The following ATP6V1H variants were observed in gnomAD, a reference collection of about 807,000 sequenced individuals.
ATP6V1H encodes V-type proton ATPase subunit H.
A neutral mutation model predicts 71.7 loss-of-function variants in ATP6V1H; 39 were observed. That is an observed-to-expected ratio of 0.54 (90% CI 0.42 to 0.71). The LOEUF is 0.71. ATP6V1H is among the 30% of genes least tolerant of loss of function. The pLI, the probability that ATP6V1H is intolerant of heterozygous loss-of-function variation, is 0.00. For missense variants in ATP6V1H, 509 were observed against 594.9 expected, an observed-to-expected ratio of 0.86 and a Z score of 1.50; for synonymous variants, 192 against 199.3, an observed-to-expected ratio of 0.96 and a Z score of 0.31.
chr8:53,786,834 ATCTT>A (rs1809401125), intron 9 of ATP6V1H, among the ~76,000 whole-genome samples: 1 of 152,224 alleles, frequency 6.6e-6, no homozygotes, highest in Non-Finnish European at 1.5e-5. Flanking sequence ...GACAATTCAG[ATCTT>A]TCTGTCAGCA....
In ATP6V1H at chr8:53,796,089, G is replaced by C. The variant is rs189666032; in HGVS notation, c.678-250C>G. On this transcript the variant is annotated intron_variant, in intron 8 of 13. Transcript: ENST00000359530. ...GCTCCTGCTGTGCGGCAAGAAGAAA[G>C]GGAACAAAGACTTGTAATATGGCAA... Among the ~76,000 whole-genome samples, 76 of 152,212 alleles carry C rather than the reference G, an allele frequency of 5.0e-4. No homozygotes were observed. The Middle Eastern group carries it at 0.02, about 41-fold the overall frequency.
At chr8:53,770,959 ACAAAATC>A (rs1205701320) in intron 10 of ATP6V1H, among the ~76,000 whole-genome samples, 1 of 152,174 alleles carries the variant, frequency 6.6e-6, no homozygotes, top group Non-Finnish European at 1.5e-5. Flanking sequence ...TTCTTCCTCC[ACAAAATC>A]CATTACAAAC....
intron 8 of ATP6V1H, among the ~76,000 whole-genome samples, chr8:53,797,767 G>C (rs1458073154): frequency 6.6e-6 from 1 of 151,916 alleles, no homozygotes; most frequent in African/African-American, 2.4e-5. Context: ...TGGGAGGCCA[G>C]GGTGGGCGGA....
chr8:53,764,430 A>G (rs185550741), intron 11 of ATP6V1H, among the ~76,000 whole-genome samples: 27 of 152,338 alleles, frequency 1.8e-4, no homozygotes, highest in Non-Finnish European at 3.1e-4. Flanking sequence ...AAGAAAAATC[A>G]TATCAATAGA....
intron 12 of ATP6V1H, among the ~76,000 whole-genome samples, chr8:53,746,050 A>G (rs191236391): frequency 2.0e-5 from 3 of 152,324 alleles, no homozygotes; most frequent in African/African-American, 7.2e-5. Flanking sequence ...AAAAACATAC[A>G]GCTCACACAC....
intron 9 of ATP6V1H, among the ~76,000 whole-genome samples, chr8:53,781,630 A>C (rs1809138874): frequency 6.6e-6 from 1 of 152,028 alleles, no homozygotes; most frequent in East Asian, 1.9e-4. Context: ...CTATGTCCTG[A>C]ATGGTATTGC....
At chr8:53,743,800 T>C in intron 12 of ATP6V1H, 110 bp from the exon 13 acceptor site, 2 of 659,352 alleles carry the variant, frequency 3.0e-6, no homozygotes. Context: ...ACAATGTACG[T>C]AAATAAACCA....
At chr8:53,757,309 T>C (rs753312769) in intron 11 of ATP6V1H, among the ~76,000 whole-genome samples, 2 of 152,136 alleles carry the variant, frequency 1.3e-5, no homozygotes, top group Non-Finnish European at 2.9e-5. Flanking sequence ...CTGCCCCGGC[T>C]TCTGCTACCC....
chr8:53,832,110 G>A (rs533808441), intron 3 of ATP6V1H: 6 of 152,130 alleles, frequency 3.9e-5, no homozygotes, highest in Middle Eastern at 3.4e-3. Context: ...TATCTTTACA[G>A]GCATAGTAGG....
intron 11 of ATP6V1H, among the ~76,000 whole-genome samples, chr8:53,767,917 A>G (rs1808525200): frequency 6.6e-6 from 1 of 152,262 alleles, no homozygotes; most frequent in Non-Finnish European, 1.5e-5. Flanking sequence ...AGCATGAGAA[A>G]CTAAGGAAAC....
intron 13 of ATP6V1H, among the ~76,000 whole-genome samples, chr8:53,727,987 T>C (rs889482086): frequency 6.6e-6 from 1 of 152,210 alleles, no homozygotes; most frequent in Non-Finnish European, 1.5e-5. Flanking sequence ...AAACTGGTCT[T>C]CTTTCCTCTG....
intron 9 of ATP6V1H, among the ~76,000 whole-genome samples, chr8:53,788,701 A>G (rs554994183): frequency 2.6e-5 from 4 of 152,210 alleles, no homozygotes; most frequent in Non-Finnish European, 5.9e-5. Flanking sequence ...TCCCAACACT[A>G]AACAATCAAG....
intron 7 of ATP6V1H, among the ~76,000 whole-genome samples, chr8:53,807,740 T>C (rs1003068883): frequency 2.0e-5 from 3 of 152,208 alleles, no homozygotes; most frequent in South Asian, 2.1e-4. Context: ...GTGGTAATGG[T>C]TGCACAATTC....
Position 53,795,984 on chromosome 8 carries a change from T to C in ATP6V1H, c.678-145A>G, listed in dbSNP as rs1272715912. 9.8e-6 allele frequency: 7 copies of C among 716,462 alleles called. No individual in the cohort carries two copies. The Admixed American group carries it at 1.2e-4, about 12-fold the overall frequency. The allele number at this position is 716,462 out of a possible 1,614,324, so 44.4% of individuals were successfully genotyped here. ...CTGCCAGCAATAACAAGCAGCTAGA[T>C]TGCTACTCACAGAGAACCATTTCCA... is the stretch of plus-strand genomic sequence containing the variant. On this transcript the variant is annotated intron_variant, in intron 8 of 13. Coordinates refer to ENST00000359530, the MANE Select transcript of ATP6V1H (RefSeq NM_015941.4).
chr8:53,755,708 AT>A (rs1808003028), intron 12 of ATP6V1H, among the ~76,000 whole-genome samples: 1 of 3,216 alleles, frequency 3.1e-4, no homozygotes, highest in Non-Finnish European at 6.6e-4. Flanking sequence ...ATATATATAT[AT>A]ATATATATAT....
At chr8:53,762,107 T>G (rs1460773704) in intron 11 of ATP6V1H, among the ~76,000 whole-genome samples, 1 of 152,166 alleles carries the variant, frequency 6.6e-6, no homozygotes, top group Non-Finnish European at 1.5e-5. Context: ...TGATAAAAAT[T>G]TAGTTTCTCA....
intron 4 of ATP6V1H, among the ~76,000 whole-genome samples, chr8:53,820,681 AAG>A (rs1246914086): frequency 6.6e-6 from 1 of 151,326 alleles, no homozygotes; most frequent in African/African-American, 2.4e-5. Flanking sequence ...AAAAAAAAAA[AAG>A]AAAAGAAAAC....
intron 11 of ATP6V1H, among the ~76,000 whole-genome samples, chr8:53,766,329 A>T (rs1381050202): frequency 6.6e-6 from 1 of 152,226 alleles, no homozygotes; most frequent in Non-Finnish European, 1.5e-5. Context: ...TACCCTTGTG[A>T]TTTCCTATGC....
intron 4 of ATP6V1H, among the ~76,000 whole-genome samples, chr8:53,825,883 T>A (rs914207980): frequency 2.0e-5 from 3 of 152,082 alleles, no homozygotes; most frequent in African/African-American, 4.8e-5. Flanking sequence ...TAAAAAAATT[T>A]TTTTTTATAA....
Sources: gnomAD v4.1 joint callset for allele counts (sites outside exome capture counted in the v4.1 genomes callset) on GRCh38, gnomAD v4.1.1 for gene constraint, MANE v1.5 for transcripts, NCBI Gene and HGNC (gene_info 2026-07-23, HGNC 2026-07-21) for gene names.